The following LPAR3 variants were observed in gnomAD, a reference collection of about 807,000 sequenced individuals.
LPAR3 encodes lysophosphatidic acid receptor 3, also known as LPA receptor 3.
LPAR3 carries 7 observed loss-of-function variants against 17.8 expected under a neutral mutation model. The observed-to-expected ratio is 0.39, with a 90% CI of 0.22 to 0.74. LPAR3 has a LOEUF of 0.74. Among genes scored for constraint, LPAR3 ranks in the 30% least tolerant of loss-of-function variants. The pLI is 0.40. For synonymous variants in LPAR3, 179 were observed against 179.9 expected, an observed-to-expected ratio of 0.99 and a Z score of 0.04; for missense variants, 391 against 453.4, an observed-to-expected ratio of 0.86 and a Z score of 1.25.
intron 2 of LPAR3, among the ~76,000 whole-genome samples, chr1:84,850,414 A>AAAAG (rs1557598688): frequency 2.7e-5 from 4 of 150,892 alleles, no homozygotes; most frequent in Non-Finnish European, 5.9e-5. Flanking sequence ...AAAAAAAAAA[A>AAAAG]AAAGAAAAAG....
chr1:84,850,860 G>C (rs72718727), intron 2 of LPAR3, among the ~76,000 whole-genome samples: 1,812 of 152,316 alleles, frequency 0.012, 18 homozygotes, highest in South Asian at 0.034. Context: ...GACATAGAAC[G>C]AGTTCTTGTA....
intron 1 of LPAR3, among the ~76,000 whole-genome samples, chr1:84,885,024 C>T (rs1408213174): frequency 1.3e-5 from 2 of 152,170 alleles, no homozygotes; most frequent in Admixed American, 6.6e-5. Flanking sequence ...CAAAATTCCC[C>T]CAGGAAACTC....
intron 1 of LPAR3, among the ~76,000 whole-genome samples, chr1:84,874,368 AG>A (rs1257579632): frequency 6.6e-6 from 1 of 152,200 alleles, no homozygotes; most frequent in Admixed American, 6.5e-5. Flanking sequence ...ATGGCACGTC[AG>A]GGGGCTCACC....
chr1:84,821,288 T>C (rs942738127), intron 2 of LPAR3, among the ~76,000 whole-genome samples: 2 of 152,134 alleles, frequency 1.3e-5, no homozygotes, highest in Admixed American at 1.3e-4. Context: ...GGCTCTCATC[T>C]TCATACTCCA....
At chr1:84,837,754 T>A (rs887574475) in intron 2 of LPAR3, among the ~76,000 whole-genome samples, 1 of 152,210 alleles carries the variant, frequency 6.6e-6, no homozygotes, top group Non-Finnish European at 1.5e-5. Context: ...GTAATCAAAC[T>A]TCACTTTCTT....
intron 2 of LPAR3, among the ~76,000 whole-genome samples, chr1:84,817,291 A>C (rs532790715): frequency 2.6e-4 from 37 of 144,686 alleles, no homozygotes; most frequent in Admixed American, 9.7e-4. Context: ...ACACACACAC[A>C]CCCCTCACTT....
chr1:84,853,107 G>GAAAAA (rs34146882), intron 2 of LPAR3, among the ~76,000 whole-genome samples: 1 of 141,530 alleles, frequency 7.1e-6, no homozygotes. Flanking sequence ...GAAAAGAAAA[G>GAAAAA]AAAAAAAAAA....
intron 2 of LPAR3, among the ~76,000 whole-genome samples, chr1:84,830,156 G>A (rs920526800): frequency 2.0e-5 from 3 of 152,306 alleles, no homozygotes; most frequent in African/African-American, 7.2e-5. Context: ...ACCTGTTCTC[G>A]TAGCTAGTTC....
chr1:84,851,279 G>A lies in LPAR3; in HGVS notation c.736+14106C>T, dbSNP rs557656506. The stretch of plus-strand genomic sequence containing the variant: ...CAATTCAAAGTGCTTCATAAATGTC[G>A]ATTCTCTTCCACGTTCTCCTTCCCA... On this transcript the variant is annotated intron_variant, in intron 2 of 2. Transcript: ENST00000370611. 6.6e-5 allele frequency among the ~76,000 whole-genome samples: 10 copies of A among 152,216 alleles called. No homozygotes were observed. In the South Asian group the frequency reaches 1.7e-3, roughly 25 times the overall value.
chr1:84,869,896 A>G (rs1660126403), intron 1 of LPAR3, among the ~76,000 whole-genome samples: 1 of 152,236 alleles, frequency 6.6e-6, no homozygotes. Context: ...ATAGTTTTCT[A>G]CTTAATCTTC....
intron 1 of LPAR3, 91 bp downstream of exon 1, chr1:84,892,924 CT>C (rs1428680890): frequency 6.6e-6 from 1 of 152,410 alleles, no homozygotes; most frequent in Admixed American, 6.5e-5. Flanking sequence ...GGCTAGAGCC[CT>C]GCAGGCGCCG....
intron 2 of LPAR3, among the ~76,000 whole-genome samples, chr1:84,844,639 C>A (rs1659564060): frequency 6.6e-6 from 1 of 152,038 alleles, no homozygotes; most frequent in Admixed American, 6.6e-5. Context: ...GTATGTAATA[C>A]AATGTAGCCT....
intron 1 of LPAR3, among the ~76,000 whole-genome samples, chr1:84,868,077 T>C (rs1660088215): frequency 6.6e-6 from 1 of 152,194 alleles, no homozygotes; most frequent in African/African-American, 2.4e-5. Flanking sequence ...TAAGGGTTTC[T>C]GATACATCTT....
At chr1:84,850,544 G>A (rs1659682778) in intron 2 of LPAR3, among the ~76,000 whole-genome samples, 1 of 152,110 alleles carries the variant, frequency 6.6e-6, no homozygotes, top group Non-Finnish European at 1.5e-5. Flanking sequence ...AGCCGAGATT[G>A]CACTACTGCA....
intron 1 of LPAR3, among the ~76,000 whole-genome samples, chr1:84,875,565 T>G (rs977424489): frequency 6.6e-6 from 1 of 152,228 alleles, no homozygotes; most frequent in Non-Finnish European, 1.5e-5. Context: ...GGATGGCCCT[T>G]GCCAGATGCC....
At chr1:84,817,514 T>TGGA (rs1658960948) in intron 2 of LPAR3, among the ~76,000 whole-genome samples, 1 of 152,118 alleles carries the variant, frequency 6.6e-6, no homozygotes, top group African/African-American at 2.4e-5. Context: ...GGCCTCCAGG[T>TGGA]GGAGGAGGCT....
At chr1:84,858,460 T>C (rs998692556) in intron 2 of LPAR3, among the ~76,000 whole-genome samples, 3 of 136,304 alleles carry the variant, frequency 2.2e-5, no homozygotes, top group African/African-American at 8.4e-5. Context: ...ACTCCAGCCT[T>C]GGGCGACAGG....
At chr1:84,819,487 A>C (rs914776425) in intron 2 of LPAR3, among the ~76,000 whole-genome samples, 2 of 152,260 alleles carry the variant, frequency 1.3e-5, no homozygotes, top group Non-Finnish European at 2.9e-5. Context: ...CATGATGCAC[A>C]GCCAGTTTTG....
chr1:84,892,667 G>C (rs1041121042), intron 1 of LPAR3, among the ~76,000 whole-genome samples: 27 of 152,312 alleles, frequency 1.8e-4, no homozygotes, highest in Non-Finnish European at 2.9e-5. Flanking sequence ...ACTGAGTTTG[G>C]AAAGAACCAC....
Sources: allele counts gnomAD v4.1 joint callset (sites outside exome capture counted in the v4.1 genomes callset), GRCh38; gene constraint gnomAD v4.1.1; transcripts MANE v1.5; gene names NCBI Gene and HGNC (gene_info 2026-07-23, HGNC 2026-07-21).